The following AK2 variants were observed in gnomAD, a reference collection of about 807,000 sequenced individuals.
AK2 encodes adenylate kinase 2.
Under a neutral mutation model 24.6 loss-of-function variants are expected in AK2, and 15 were observed. The observed-to-expected ratio is 0.61, with a 90% CI of 0.41 to 0.94. AK2 has a LOEUF of 0.94. Among genes scored for constraint, AK2 ranks in the 40% least tolerant of loss-of-function variants. The pLI is 0.00. For synonymous variants in AK2, 102 were observed against 114.0 expected (o/e 0.90, Z 0.67); for missense variants, 257 against 304.1 (o/e 0.85, Z 1.15).
At position 33,035,068 on chromosome 1, in the gene AK2, T is replaced by C. The variant is rs1273104191; in HGVS notation, c.93+1668A>G. ...AAAAACAATGAAGCATTTGAGCTAC[T>C]GTTTATACTTGATCACTCACAGCAA... On this transcript the variant is annotated intron_variant, in intron 1 of 5. Transcript: ENST00000672715. Among the ~76,000 whole-genome samples, 9 of 152,292 alleles carry C rather than the reference T, an allele frequency of 5.9e-5. No homozygotes were observed. In the East Asian group the frequency reaches 1.5e-3, roughly 26 times the overall value.
At position 33,019,770 on chromosome 1, in the gene AK2, T is replaced by A. The variant is rs115182980; in HGVS notation, c.425+1597A>T. The A allele has an allele frequency of 1.4e-4, 152 of 1,053,216 alleles. No homozygotes were observed. In the African/African-American group the frequency reaches 2.4e-3, roughly 17 times the overall value. The allele number at this position is 1,053,216 out of a possible 1,614,324, so 65.2% of individuals were successfully genotyped here. A position where few individuals can be genotyped will look rare whatever the true frequency, so the allele number is the denominator to read the frequency against. ...TTTTTCCCTAATCCAAAAATTTACATGCATTATGATGGCCATAGTATCATT... is the reference window on the plus strand; with the variant it reads ...TTTTTCCCTAATCCAAAAATTTACAAGCATTATGATGGCCATAGTATCATT... On this transcript the variant is annotated intron_variant, in intron 4 of 5. Transcript: ENST00000672715.
intron 5 of AK2, 146 bp from the exon 6 acceptor site, chr1:33,013,548 G>T: frequency 6.9e-7 from 1 of 1,444,332 alleles, no homozygotes; most frequent in South Asian, 1.3e-5. Context: ...AGGCAATCCA[G>T]ACCCTCTCCA....
At chr1:33,026,398 G>A (rs1369821716) in intron 1 of AK2, among the ~76,000 whole-genome samples, 2 of 152,196 alleles carry the variant, frequency 1.3e-5, no homozygotes, top group Non-Finnish European at 2.9e-5. Context: ...TTAGGTGCAT[G>A]CTTAGGTGCA....
Position 33,010,132 on chromosome 1 carries a change from G to A in AK2, c.*3049C>T. ...GTCCCTTCACACAGTGCAGATAAAA[G>A]AAGGCAAGAGCATAGGATTGTGGCA... On this transcript the variant is annotated 3_prime_UTR_variant, in exon 6 of 6. Transcript: ENST00000672715. The A allele has an allele frequency of 2.2e-6, 1 of 454,348 alleles. No individual in the cohort carries two copies. Among genetic ancestry groups the A allele is most frequent in the South Asian group, 1.6e-5 (1 of 64,484 alleles). The allele number at this position is 454,348 out of a possible 1,614,324, so 28.1% of individuals were successfully genotyped here.
Position 33,012,855 on chromosome 1 carries a change from G to A in AK2, c.*326C>T, listed in dbSNP as rs781133008. 1.7e-5 allele frequency: 22 copies of A among 1,298,010 alleles called. No individual in the cohort carries two copies. In the South Asian group the frequency reaches 2.1e-4, roughly 12 times the overall value. 80.4% of individuals were successfully genotyped at this position (1,298,010 alleles called of 1,614,324 possible). On this transcript the variant is annotated 3_prime_UTR_variant, in exon 6 of 6. Transcript: ENST00000672715. ...AGAGGTTGCCGTGAGCCAAGATCAC[G>A]CCACTGCACTCCAGCCAGGGTGGCA...
At chr1:33,021,206 C>T (rs1009658924) in intron 4 of AK2, among the ~76,000 whole-genome samples, 161 bp downstream of exon 4, 7 of 152,074 alleles carry the variant, frequency 4.6e-5, no homozygotes, top group Non-Finnish European at 8.8e-5. Context: ...CTCTTCTTTC[C>T]ATATCCCGAT....
At position 33,036,736 on chromosome 1, in the gene AK2, C is replaced by T. The variant is rs768840004; in HGVS notation, c.93G>A (p.Gln31=). 1 of 1,584,066 alleles carries T rather than the reference C, an allele frequency of 6.3e-7. No homozygotes were observed. The stretch of plus-strand genomic sequence containing the variant: ...CGCCAAGCCCAGTCCTGCCGCTCAC[C>T]TGGGTCCCTTTACCGGCCCCGGGAG... The part of the protein sequence containing the change: ...LGPPGAGKGT[Q]APRLAENFCV... Residue 31 remains glutamine (Q), a splice_region_variant and synonymous_variant, in exon 1 of 6, where the codon CAG becomes CAA. Transcript: ENST00000672715.
Position 33,011,270 on chromosome 1 carries a change from G to A in AK2, c.*1911C>T. ...CATGATGCCACTGTCACCCAGAGAA[G>A]GATCCCAGACCAGGCACACATAGCT... On this transcript the variant is annotated 3_prime_UTR_variant, in exon 6 of 6. Transcript: ENST00000672715. The A allele has an allele frequency of 1.5e-6, 2 of 1,295,924 alleles. No individual in the cohort carries two copies. Among genetic ancestry groups the A allele is most frequent in the Non-Finnish European group, 2.0e-6 (2 of 994,922 alleles). 80.3% of individuals were successfully genotyped at this position (1,295,924 alleles called of 1,614,324 possible).
Position 33,009,866 on chromosome 1 carries a change from T to C in AK2, c.*3315A>G, listed in dbSNP as rs1638689149. On this transcript the variant is annotated 3_prime_UTR_variant, in exon 6 of 6. Transcript: ENST00000672715. Reference sequence around the variant, plus strand: ...CTTTTCCTTCCAGCCAGGTCCAGAATTCAATGTCATTTTTCTAGCTTAGAT... The same window carrying C: ...CTTTTCCTTCCAGCCAGGTCCAGAACTCAATGTCATTTTTCTAGCTTAGAT... The C allele has an allele frequency of 2.2e-6, 1 of 454,316 alleles. No homozygotes were observed. The highest frequency in any genetic ancestry group is 2.0e-5 in the African/African-American group (1 of 49,948). 28.1% of individuals were successfully genotyped at this position (454,316 alleles called of 1,614,324 possible). A position where few individuals can be genotyped will look rare whatever the true frequency, so the allele number is the denominator to read the frequency against.
At chr1:33,025,016 C>G (rs1408171784) in intron 1 of AK2, among the ~76,000 whole-genome samples, 1 of 152,022 alleles carries the variant, frequency 6.6e-6, no homozygotes, top group African/African-American at 2.4e-5. Flanking sequence ...GAAACCCCGT[C>G]TCTACTAAAA....
chr1:33,008,781 CACA>C lies in AK2; in HGVS notation c.*4397_*4399del, dbSNP rs781392430. 6 of 453,976 alleles carry C rather than the reference CACA, an allele frequency of 1.3e-5. No individual in the cohort carries two copies. Among genetic ancestry groups the C allele is most frequent in the South Asian group, 6.2e-5 (4 of 64,480 alleles). The allele number at this position is 453,976 out of a possible 1,614,324, so 28.1% of individuals were successfully genotyped here. ...CATGAAGCCTTTGCATAATACCTGG[CACA>C]ACGTCAGTCTTCCGGGAGTGGTAGG... On this transcript the variant is annotated 3_prime_UTR_variant, in exon 6 of 6. Coordinates refer to ENST00000672715, the MANE Select transcript of AK2 (RefSeq NM_001625.4).
rs1158391607 is a variant in AK2 at position 33,008,204 on chromosome 1, G to C, written c.*4977C>G. ...GTCCTGGGCAGTCCAACCCACATGA[G>C]TATCTTGGTCACTAGTGTCATCAGC... On this transcript the variant is annotated 3_prime_UTR_variant, in exon 6 of 6. Coordinates refer to ENST00000672715, the MANE Select transcript of AK2 (RefSeq NM_001625.4). 1 of 454,302 alleles carries C rather than the reference G, an allele frequency of 2.2e-6. No individual in the cohort carries two copies. Among genetic ancestry groups the C allele is most frequent in the Admixed American group, 2.3e-5 (1 of 42,572 alleles). The allele number at this position is 454,302 out of a possible 1,614,324, so 28.1% of individuals were successfully genotyped here.
chr1:33,015,983 A>T (rs747639707), intron 4 of AK2, among the ~76,000 whole-genome samples: 1 of 152,170 alleles, frequency 6.6e-6, no homozygotes, highest in Non-Finnish European at 1.5e-5. Flanking sequence ...TAATCACAGC[A>T]TATTTTGGGG....
chr1:33,018,251 A>C (rs994555852), intron 4 of AK2, among the ~76,000 whole-genome samples: 6 of 152,158 alleles, frequency 3.9e-5, no homozygotes, highest in Admixed American at 3.9e-4. Flanking sequence ...CAATGACTCA[A>C]AATTACTAGA....
At chr1:33,033,779 T>C (rs1208743902) in intron 1 of AK2, among the ~76,000 whole-genome samples, 2 of 152,222 alleles carry the variant, frequency 1.3e-5, no homozygotes, top group African/African-American at 4.8e-5. Context: ...TGTCTTCTTT[T>C]GTGTATTCAA....
At chr1:33,013,552 C>A in intron 5 of AK2, 150 bp from the exon 6 acceptor site, 1 of 1,427,638 alleles carries the variant, frequency 7.0e-7, no homozygotes, top group South Asian at 1.3e-5. Flanking sequence ...AATCCAGACC[C>A]TCTCCAGTGA....
chr1:33,034,017 G>A (rs1218160214), intron 1 of AK2, among the ~76,000 whole-genome samples: 1 of 152,062 alleles, frequency 6.6e-6, no homozygotes, highest in Middle Eastern at 3.2e-3. Context: ...GGGACTACAG[G>A]CACACACCAC....
At chr1:33,035,259 A>C (rs145788538) in intron 1 of AK2, among the ~76,000 whole-genome samples, 1 of 152,336 alleles carries the variant, frequency 6.6e-6, no homozygotes, top group East Asian at 1.9e-4. Context: ...GAGAGAAAAG[A>C]AAGCTGTATT....
chr1:33,026,618 C>T (rs940484243), intron 1 of AK2, among the ~76,000 whole-genome samples: 15 of 150,090 alleles, frequency 1.0e-4, no homozygotes, highest in African/African-American at 3.7e-4. Flanking sequence ...ACCATCCTGG[C>T]CAACATGGTG....
Sources: allele counts gnomAD v4.1 joint callset (sites outside exome capture counted in the v4.1 genomes callset), GRCh38; gene constraint gnomAD v4.1.1; transcripts MANE v1.5; gene names NCBI Gene and HGNC (gene_info 2026-07-23, HGNC 2026-07-21).